The following DLG2 variants were observed in gnomAD, a reference collection of about 807,000 sequenced individuals.
DLG2 encodes the protein disks large homolog 2.
In DLG2, 45 loss-of-function variants were observed where a neutral mutation model predicts 132.5. The ratio of observed to expected loss-of-function variants is 0.34; its 90% CI spans 0.27 to 0.44. The LOEUF is 0.44. DLG2 is among the 20% of genes least tolerant of loss of function. The probability of loss-of-function intolerance (pLI) is 1.00; values close to 1 mark genes in which losing one functional copy is unlikely to be tolerated. For missense variants in DLG2, 1,045 were observed against 1,196.9 expected (o/e 0.87, Z 1.87); for synonymous variants, 424 against 419.6 (o/e 1.01, Z -0.13).
chr11:84,239,643 A>C (rs1441819799), intron 8 of DLG2, among the ~76,000 whole-genome samples: 1 of 152,212 alleles, frequency 6.6e-6, no homozygotes, highest in Non-Finnish European at 1.5e-5. Flanking sequence ...GCAATGTCTA[A>C]ATATTATCTC....
chr11:84,779,193 C>T (rs532649951), intron 6 of DLG2, among the ~76,000 whole-genome samples: 6 of 133,072 alleles, frequency 4.5e-5, no homozygotes, highest in South Asian at 2.3e-4. Context: ...TATATATGTG[C>T]GCACACACAC....
rs140146423 is a variant in DLG2, at chr11:84,305,944, C to T, written c.520-54653G>A. Among the ~76,000 whole-genome samples the T allele has an allele frequency of 2.4e-3, 363 of 152,102 alleles. 1 individual carries two copies. Among genetic ancestry groups the T allele is most frequent in the African/African-American group, 8.5e-3 (352 of 41,506 alleles). On this transcript the variant is annotated intron_variant, in intron 7 of 27. Coordinates refer to ENST00000376104, the MANE Select transcript of DLG2 (RefSeq NM_001142699.3). The stretch of plus-strand genomic sequence containing the variant: ...AAAGATTAATGTATGGTATGGCAAT[C>T]AAATAAAATATTTTAAAAACAACTT...
intron 6 of DLG2, among the ~76,000 whole-genome samples, chr11:84,599,169 C>T (rs559018452): frequency 4.1e-4 from 62 of 152,128 alleles, no homozygotes; most frequent in African/African-American, 1.3e-3. Context: ...CATTCGAGCC[C>T]GGGAGGCAGA....
intron 6 of DLG2, among the ~76,000 whole-genome samples, chr11:85,054,734 C>A (rs769028985): frequency 6.6e-5 from 10 of 152,116 alleles, no homozygotes; most frequent in South Asian, 6.2e-4. Flanking sequence ...CAGCTAGAGA[C>A]CATTATCCTA....
intron 6 of DLG2, among the ~76,000 whole-genome samples, chr11:84,809,991 C>T (rs2076392513): frequency 6.6e-6 from 1 of 151,898 alleles, no homozygotes; most frequent in Admixed American, 6.6e-5. Context: ...ACAAATAATG[C>T]TGGAGCAATA....
chr11:84,977,620 G>A (rs904982708), intron 6 of DLG2, among the ~76,000 whole-genome samples: 4 of 152,080 alleles, frequency 2.6e-5, no homozygotes, highest in Non-Finnish European at 4.4e-5. Context: ...AAAACCAAAC[G>A]CTACCCTTTT....
chr11:84,118,618 C>T (rs980823881), intron 9 of DLG2, among the ~76,000 whole-genome samples: 1 of 152,180 alleles, frequency 6.6e-6, no homozygotes, highest in African/African-American at 2.4e-5. Flanking sequence ...AAGTGCAGCA[C>T]AGAGGTATAT....
chr11:83,848,124 CT>C (rs34648391), intron 16 of DLG2, among the ~76,000 whole-genome samples: 11,030 of 132,716 alleles, frequency 0.083, 679 homozygotes, highest in African/African-American at 0.17. Flanking sequence ...TCCCCCACAC[CT>C]TTTTTTTTTT....
chr11:84,670,951 A>C (rs1013541914), intron 6 of DLG2, among the ~76,000 whole-genome samples: 1 of 152,174 alleles, frequency 6.6e-6, no homozygotes, highest in Non-Finnish European at 1.5e-5. Flanking sequence ...AATTACCATA[A>C]GAAAAAAAAT....
intron 17 of DLG2, among the ~76,000 whole-genome samples, chr11:83,821,417 GA>G (rs2050758185): frequency 6.6e-6 from 1 of 151,816 alleles, no homozygotes; most frequent in African/African-American, 2.4e-5. Flanking sequence ...ACTTATTATG[GA>G]TTTTTTTTAG....
chr11:83,513,882 G>A (rs1396914639), intron 21 of DLG2, among the ~76,000 whole-genome samples: 1 of 152,120 alleles, frequency 6.6e-6, no homozygotes, highest in African/African-American at 2.4e-5. Context: ...TGTTCCATTG[G>A]TCTATATCTC....
chr11:84,711,869 C>T (rs772508246), intron 6 of DLG2, among the ~76,000 whole-genome samples: 13 of 151,978 alleles, frequency 8.6e-5, no homozygotes, highest in Non-Finnish European at 1.6e-4. Flanking sequence ...TAAAGTTAAC[C>T]ACCACATCAA....
chr11:85,178,181 C>A (rs2079440170), intron 4 of DLG2, among the ~76,000 whole-genome samples: 1 of 151,810 alleles, frequency 6.6e-6, no homozygotes. Context: ...TGCTAAATTC[C>A]TAATTTTGAT....
At chr11:84,230,478 G>A (rs1391629118) in intron 8 of DLG2, among the ~76,000 whole-genome samples, 1 of 152,104 alleles carries the variant, frequency 6.6e-6, no homozygotes, top group Non-Finnish European at 1.5e-5. Flanking sequence ...AAATGAATAT[G>A]TACCTTAGTT....
At chr11:85,021,171 G>A (rs2154140009) in intron 6 of DLG2, 5 of 938,156 alleles carry the variant, frequency 5.3e-6, no homozygotes, top group East Asian at 2.4e-5. Flanking sequence ...TCTTAGAATT[G>A]AAGCCAGCTT....
intron 9 of DLG2, among the ~76,000 whole-genome samples, chr11:84,157,951 A>G (rs995837818): frequency 6.6e-6 from 1 of 152,208 alleles, no homozygotes; most frequent in African/African-American, 2.4e-5. Context: ...TGTCACCATG[A>G]TAACATAAAG....
chr11:83,636,904 C>T (rs74629441), intron 18 of DLG2, among the ~76,000 whole-genome samples: 7,609 of 152,198 alleles, frequency 0.05, 663 homozygotes, highest in African/African-American at 0.17. Context: ...ACAGTCATCT[C>T]AATGTAAATC....
At chr11:84,156,531 T>G (rs925391315) in intron 9 of DLG2, among the ~76,000 whole-genome samples, 2 of 152,324 alleles carry the variant, frequency 1.3e-5, no homozygotes, top group Admixed American at 6.5e-5. Flanking sequence ...TGGAGTGCTC[T>G]CCCAACAGCT....
intron 6 of DLG2, among the ~76,000 whole-genome samples, chr11:84,919,644 T>G (rs11234243): frequency 0.53 from 81,164 of 151,906 alleles, 21,990 homozygotes; most frequent in South Asian, 0.61. Context: ...GGGATTGTGG[T>G]TTTGTGAGTG....
Sources: gnomAD v4.1 joint callset for allele counts (sites outside exome capture counted in the v4.1 genomes callset) on GRCh38, gnomAD v4.1.1 for gene constraint, MANE v1.5 for transcripts, NCBI Gene and HGNC (gene_info 2026-07-23, HGNC 2026-07-21) for gene names.